Variants in NDUFS3 observed in about 807,000 individuals in gnomAD.
NDUFS3 encodes the protein NADH dehydrogenase [ubiquinone] iron-sulfur protein 3, mitochondrial.
In NDUFS3, 19 loss-of-function variants were observed where a neutral mutation model predicts 30.8. The ratio of observed to expected loss-of-function variants is 0.62; its 90% CI spans 0.43 to 0.91. The LOEUF (loss-of-function observed/expected upper bound fraction) is 0.91. Ranked by LOEUF, NDUFS3 falls within the 40% of genes least tolerant of loss-of-function variation. The probability of loss-of-function intolerance (pLI) is 0.00; values close to 1 mark genes in which losing one functional copy is unlikely to be tolerated. For synonymous variants in NDUFS3, 153 were observed against 135.8 expected (o/e 1.13, Z -0.88); for missense variants, 331 against 342.0 (o/e 0.97, Z 0.25).
Position 47,580,949 on chromosome 11 carries a change from G to T in NDUFS3, c.346G>T (p.Ala116Ser). Residue 116 changes from alanine (A) to serine (S), a missense_variant, in exon 4 of 7, where the codon GCA becomes TCA. Transcript: ENST00000263774. ...GTTCAAATCTCTGGTTGACTTGACAGCAGTGGACGTCCCAACTCGGCAAAA... is the reference window on the plus strand; with the variant it reads ...GTTCAAATCTCTGGTTGACTTGACATCAGTGGACGTCCCAACTCGGCAAAA... The part of the protein sequence containing the change: ...AQFKSLVDLT[A>S]VDVPTRQNRF... 1 of 1,614,228 alleles carries T rather than the reference G, an allele frequency of 6.2e-7. No individual in the cohort carries two copies. The highest frequency in any genetic ancestry group is 8.5e-7 in the Non-Finnish European group (1 of 1,180,044).
At chr11:47,580,232 T>G (rs1263812980) in intron 2 of NDUFS3, among the ~76,000 whole-genome samples, 3 of 152,264 alleles carry the variant, frequency 2.0e-5, no homozygotes, top group Non-Finnish European at 2.9e-5. Flanking sequence ...AGACTACTGC[T>G]TTAGCAGAAA....
chr11:47,580,681 T>A (rs2233356), intron 3 of NDUFS3, 59 bp downstream of exon 3: 2 of 1,589,790 alleles, frequency 1.3e-6, no homozygotes, highest in Non-Finnish European at 1.7e-6. Flanking sequence ...TCGCAGGGCA[T>A]GTGGGAGTGG....
rs773960665 is a variant in NDUFS3, at chr11:47,584,391, G to T, written c.705G>T (p.Leu235=). The T allele has an allele frequency of 6.2e-7, 1 of 1,614,118 alleles. No individual in the cohort carries two copies. The highest frequency in any genetic ancestry group is 8.5e-7 in the Non-Finnish European group (1 of 1,180,024). Residue 235 remains leucine, a synonymous_variant, in exon 7 of 7, where the codon CTG becomes CTT. Coordinates refer to ENST00000263774, the MANE Select transcript of NDUFS3 (RefSeq NM_004551.3). ...CCCAAGAGTTCCGCAAATTTGACCTGAACAGCCCCTGGGAGGCTTTCCCAG... is the reference window on the plus strand; with the variant it reads ...CCCAAGAGTTCCGCAAATTTGACCTTAACAGCCCCTGGGAGGCTTTCCCAG... ...ELAQEFRKFD[L]NSPWEAFPVY... is the part of the protein sequence containing the mutation.
Position 47,580,820 on chromosome 11 carries a change from C to T in NDUFS3, c.232-15C>T. On this transcript the variant is annotated splice_polypyrimidine_tract_variant and intron_variant, in intron 3 of 6. Coordinates refer to ENST00000263774, the MANE Select transcript of NDUFS3 (RefSeq NM_004551.3). The stretch of plus-strand genomic sequence containing the variant: ...TAGCTCTTTGTTCCCTCTCCCCTCA[C>T]TTTCATGTGTGCAGGTGTCCTGCTT... 1 of 1,614,212 alleles carries T rather than the reference C, an allele frequency of 6.2e-7. No homozygotes were observed.
At chr11:47,579,714 G>A in intron 2 of NDUFS3, 1 of 383,966 alleles carries the variant, frequency 2.6e-6, no homozygotes, top group Non-Finnish European at 4.9e-6. Context: ...ACAGCCTTAT[G>A]GGGTAGATAG....
At chr11:47,580,794 G>C (rs933288582) in intron 3 of NDUFS3, 41 bp from the exon 4 acceptor site, 8 of 1,613,938 alleles carry the variant, frequency 5.0e-6, no homozygotes, top group Middle Eastern at 3.3e-4. Context: ...TGTTCCCTCA[G>C]TAGCTCTTTG....
At chr11:47,580,227 A>T (rs1415604110) in intron 2 of NDUFS3, among the ~76,000 whole-genome samples, 1 of 152,234 alleles carries the variant, frequency 6.6e-6, no homozygotes, top group Non-Finnish European at 1.5e-5. Flanking sequence ...AACTGAGACT[A>T]CTGCTTTAGC....
chr11:47,579,609 C>T, intron 2 of NDUFS3: 3 of 586,222 alleles, frequency 5.1e-6, no homozygotes, highest in South Asian at 2.0e-5. Flanking sequence ...GGCCTCAGAG[C>T]CCTGTAATAA....
At chr11:47,579,984 G>GACACACACACAC (rs36201718) in intron 2 of NDUFS3, among the ~76,000 whole-genome samples, 141 of 139,390 alleles carry the variant, frequency 1.0e-3, no homozygotes, top group Middle Eastern at 3.6e-3. Flanking sequence ...TTTTCTCATT[G>GACACACACACAC]ACACACACAC....
At chr11:47,579,984 G>GACACACACACACACACACACACAC (rs36201718) in intron 2 of NDUFS3, among the ~76,000 whole-genome samples, 1 of 139,306 alleles carries the variant, frequency 7.2e-6, no homozygotes, top group Non-Finnish European at 1.5e-5. Flanking sequence ...TTTTCTCATT[G>GACACACACACACACACACACACAC]ACACACACAC....
chr11:47,580,762 G>C, intron 3 of NDUFS3, 73 bp from the exon 4 acceptor site: 17 of 1,607,492 alleles, frequency 1.1e-5, no homozygotes, highest in Non-Finnish European at 1.4e-5. Context: ...CATTAAACCA[G>C]GTGACTCCAG....
intron 4 of NDUFS3, chr11:47,581,513 C>T (rs1198506162): frequency 9.0e-6 from 2 of 221,970 alleles, no homozygotes; most frequent in Non-Finnish European, 1.8e-5. Flanking sequence ...TAAAGCTGTC[C>T]TTATCTTATA....
At chr11:47,584,243 T>A (rs539497680) in intron 6 of NDUFS3, 71 bp from the exon 7 acceptor site, 1 of 1,605,902 alleles carries the variant, frequency 6.2e-7, no homozygotes, top group African/African-American at 1.3e-5. Context: ...AATAGCCTTG[T>A]GAAAAGTAGG....
intron 4 of NDUFS3, 106 bp downstream of exon 4, chr11:47,581,090 T>A: frequency 7.1e-7 from 1 of 1,398,696 alleles, no homozygotes; most frequent in Non-Finnish European, 1.0e-6. Context: ...GTCAAGTAGA[T>A]CTGAAGTTGG....
At position 47,579,499 on chromosome 11, in the gene NDUFS3, T is replaced by C. The variant is rs1169177369; in HGVS notation, c.133+165T>C. On this transcript the variant is annotated intron_variant, in intron 2 of 6. Coordinates refer to ENST00000263774, the MANE Select transcript of NDUFS3 (RefSeq NM_004551.3). The stretch of plus-strand genomic sequence containing the variant: ...CAGAATCGAGCCCTCCCTGTGCCCT[T>C]AGGCCTGTTATGGCCCTGATTGTTC... The C allele has an allele frequency of 2.3e-5, 18 of 793,340 alleles. No homozygotes were observed. In the East Asian group the frequency reaches 4.8e-4, roughly 21 times the overall value. 49.1% of individuals were successfully genotyped at this position (793,340 alleles called of 1,614,324 possible). A position where few individuals can be genotyped will look rare whatever the true frequency, so the allele number is the denominator to read the frequency against.
chr11:47,582,734 G>A (rs770186296), intron 6 of NDUFS3, among the ~76,000 whole-genome samples: 3 of 152,168 alleles, frequency 2.0e-5, no homozygotes, highest in Admixed American at 1.3e-4. Context: ...GTAGGCTCAC[G>A]CCTGTAATCC....
intron 3 of NDUFS3, 60 bp downstream of exon 3, chr11:47,580,682 G>T: frequency 6.3e-7 from 1 of 1,588,144 alleles, no homozygotes; most frequent in Non-Finnish European, 8.6e-7. Context: ...CGCAGGGCAT[G>T]TGGGAGTGGG....
At chr11:47,579,756 C>T in intron 2 of NDUFS3, 1 of 282,952 alleles carries the variant, frequency 3.5e-6, no homozygotes, top group Non-Finnish European at 6.8e-6. Flanking sequence ...GATCAGGAAA[C>T]AGTCCAAAGA....
At chr11:47,583,858 G>A (rs377191941) in intron 6 of NDUFS3, among the ~76,000 whole-genome samples, 2 of 152,302 alleles carry the variant, frequency 1.3e-5, no homozygotes, top group South Asian at 2.1e-4. Context: ...AACAAGAAAA[G>A]CTGTGTCAAA....
Sources: allele counts gnomAD v4.1 joint callset (sites outside exome capture counted in the v4.1 genomes callset), GRCh38; gene constraint gnomAD v4.1.1; transcripts MANE v1.5; gene names NCBI Gene and HGNC (gene_info 2026-07-23, HGNC 2026-07-21).